The following UBE2J2 variants were observed in gnomAD, a reference collection of about 807,000 sequenced individuals.
The protein encoded by UBE2J2 is ubiquitin-conjugating enzyme E2 J2.
A neutral mutation model predicts 28.6 loss-of-function variants in UBE2J2; 5 were observed. That is an observed-to-expected ratio of 0.17 (90% confidence interval 0.09 to 0.37). The LOEUF is 0.37. UBE2J2 is among the 10% of genes least tolerant of loss of function. The pLI is 1.00. For synonymous variants in UBE2J2, 138 were observed against 139.7 expected (o/e 0.99, Z 0.09); for missense variants, 226 against 338.9 (o/e 0.67, Z 2.62).
intron 5 of UBE2J2, 96 bp from the exon 6 acceptor site, chr1:1,256,221 C>T (rs964436884): frequency 2.2e-5 from 19 of 882,658 alleles, no homozygotes; most frequent in African/African-American, 8.4e-5. Context: ...CTGCAGTCTT[C>T]GTGTTGCAGA....
At chr1:1,255,553 G>GT in intron 6 of UBE2J2, 66 bp from the exon 7 acceptor site, 1 of 1,522,200 alleles carries the variant, frequency 6.6e-7, no homozygotes, top group Non-Finnish European at 8.9e-7. Context: ...CAGCACTCCC[G>GT]TTCTCAGGAG....
chr1:1,267,541 T>G (rs895343038), intron 2 of UBE2J2, among the ~76,000 whole-genome samples: 10 of 152,110 alleles, frequency 6.6e-5, no homozygotes, highest in African/African-American at 2.2e-4. Context: ...ACCCCTCCCC[T>G]AAGGACCCCA....
At chr1:1,257,452 C>T (rs1053061994) in intron 3 of UBE2J2, 142 bp from the exon 4 acceptor site, 62 of 579,208 alleles carry the variant, frequency 1.1e-4, no homozygotes, top group Non-Finnish European at 1.5e-4. Context: ...CGTCCCCAGC[C>T]GGCTCCCAGG....
At chr1:1,263,194 C>G (rs1639662593) in intron 3 of UBE2J2, 152 bp downstream of exon 3, 1 of 710,768 alleles carries the variant, frequency 1.4e-6, no homozygotes, top group Non-Finnish European at 2.5e-6. Context: ...TGTGGAGAAG[C>G]AGACGAGGAG....
intron 3 of UBE2J2, among the ~76,000 whole-genome samples, chr1:1,259,933 T>C (rs1639456926): frequency 6.6e-6 from 1 of 152,230 alleles, no homozygotes; most frequent in African/African-American, 2.4e-5. Context: ...TCCCTGCATG[T>C]GTGGCCTCCC....
chr1:1,260,964 GC>G (rs1639524499), intron 3 of UBE2J2, among the ~76,000 whole-genome samples: 1 of 152,240 alleles, frequency 6.6e-6, no homozygotes, highest in Admixed American at 6.5e-5. Context: ...GAGTGGGCAC[GC>G]CTGGGCAGCA....
At position 1,268,280 on chromosome 1, in the gene UBE2J2, C is replaced by G. The variant is rs530628071; in HGVS notation, c.1-288G>C. Among the ~76,000 whole-genome samples the G allele has an allele frequency of 5.3e-5, 8 of 152,160 alleles. No individual in the cohort carries two copies. The highest frequency in any genetic ancestry group is 3.2e-3 in the Middle Eastern group (1 of 316). On this transcript the variant is annotated intron_variant, in intron 1 of 6. Coordinates refer to ENST00000349431, the MANE Select transcript of UBE2J2 (RefSeq NM_058167.3). The surrounding 1 kb of genome is among the most constrained non-coding windows in gnomAD (Gnocchi z 4.7). ...CTCGTTCCTGTCCTCCAAAAACTCACGCAGGGATACATTTACAGGGCTTGA... is the reference window on the plus strand; with the variant it reads ...CTCGTTCCTGTCCTCCAAAAACTCAGGCAGGGATACATTTACAGGGCTTGA...
Position 1,259,342 on chromosome 1 carries a change from T to C in UBE2J2, c.173-2032A>G, listed in dbSNP as rs529655243. Among the ~76,000 whole-genome samples, 44 of 152,326 alleles carry C rather than the reference T, an allele frequency of 2.9e-4. No homozygotes were observed. The East Asian group carries it at 7.9e-3, about 27-fold the overall frequency. ...GGACGCATGGGCGTGGGCATGTGTG[T>C]GCGTGCCATCAGGACACGTGCATGC... On this transcript the variant is annotated intron_variant, in intron 3 of 6. Transcript: ENST00000349431.
intron 3 of UBE2J2, among the ~76,000 whole-genome samples, chr1:1,258,994 T>G (rs958999896): frequency 1.3e-5 from 2 of 152,232 alleles, no homozygotes; most frequent in African/African-American, 4.8e-5. Context: ...TTGACGTGTG[T>G]GTGCATGCCA....
At chr1:1,259,370 G>A (rs984661076) in intron 3 of UBE2J2, among the ~76,000 whole-genome samples, 10 of 152,160 alleles carry the variant, frequency 6.6e-5, no homozygotes, top group African/African-American at 1.2e-4. Context: ...GTGCATGCGT[G>A]TGTATGCGTG....
chr1:1,256,537 G>A (rs563515207), intron 5 of UBE2J2, among the ~76,000 whole-genome samples: 115 of 152,344 alleles, frequency 7.5e-4, no homozygotes, highest in African/African-American at 2.7e-3. Flanking sequence ...CAGTCTCCAC[G>A]ACAGTGCCTG....
At chr1:1,271,076 C>T (rs1490311414) in intron 1 of UBE2J2, among the ~76,000 whole-genome samples, 1 of 152,250 alleles carries the variant, frequency 6.6e-6, no homozygotes, top group Non-Finnish European at 1.5e-5. Flanking sequence ...CACTGGCCTC[C>T]ATGTGACCCC....
At chr1:1,273,638 C>G (rs922622286) in intron 1 of UBE2J2, 28 bp downstream of exon 1, 1 of 151,760 alleles carries the variant, frequency 6.6e-6, no homozygotes, top group Non-Finnish European at 1.5e-5. Context: ...GGCCCGAGGA[C>G]CCGGCGCAGG....
chr1:1,256,604 C>G (rs186632007), intron 5 of UBE2J2, among the ~76,000 whole-genome samples: 1 of 152,156 alleles, frequency 6.6e-6, no homozygotes, highest in Non-Finnish European at 1.5e-5. Flanking sequence ...CAGCTGCGGC[C>G]GGGCGCGGTG....
rs770519212 is a variant in UBE2J2, at chr1:1,257,145, C to T, written c.276-15G>A. The T allele has an allele frequency of 4.4e-6, 7 of 1,608,218 alleles. No homozygotes were observed. In the South Asian group the frequency reaches 5.5e-5, roughly 13 times the overall value. Reference sequence around the variant, plus strand: ...AAAGACACAGCCTGCAAAACGGGGGCCCCGTCAGTGCACACTCCCCACCGC... The same window carrying T: ...AAAGACACAGCCTGCAAAACGGGGGTCCCGTCAGTGCACACTCCCCACCGC... On this transcript the variant is annotated splice_polypyrimidine_tract_variant and intron_variant, in intron 4 of 6. Coordinates refer to ENST00000349431, the MANE Select transcript of UBE2J2 (RefSeq NM_058167.3).
chr1:1,258,118 C>T (rs1639317746), intron 3 of UBE2J2, among the ~76,000 whole-genome samples: 1 of 152,010 alleles, frequency 6.6e-6, no homozygotes, highest in South Asian at 2.1e-4. Context: ...TGGCTCACTG[C>T]AACCTCTGCC....
intron 3 of UBE2J2, among the ~76,000 whole-genome samples, chr1:1,261,651 GTTTT>G (rs59207041): frequency 4.3e-5 from 6 of 138,106 alleles, no homozygotes; most frequent in Admixed American, 7.3e-5. Flanking sequence ...ACCCATTTTG[GTTTT>G]TTTTTTTTTT....
intron 2 of UBE2J2, chr1:1,266,322 T>A (rs1347160580): frequency 1.2e-5 from 6 of 519,690 alleles, no homozygotes; most frequent in Non-Finnish European, 1.8e-5. Flanking sequence ...CCAGGCATGG[T>A]GGCTCAAGCC....
At chr1:1,266,878 T>G (rs954098823) in intron 2 of UBE2J2, among the ~76,000 whole-genome samples, 2 of 152,062 alleles carry the variant, frequency 1.3e-5, no homozygotes, top group Admixed American at 1.3e-4. Context: ...AAAACATCCT[T>G]ACATTTTATT....
Sources: allele counts gnomAD v4.1 joint callset (sites outside exome capture counted in the v4.1 genomes callset), GRCh38; gene constraint gnomAD v4.1.1; non-coding constraint Gnocchi (gnomAD v3.1); transcripts MANE v1.5; gene names NCBI Gene and HGNC (gene_info 2026-07-23, HGNC 2026-07-21).